Variants in BCAS4 observed in about 807,000 individuals in gnomAD.
BCAS4 encodes breast carcinoma amplified sequence 4.
In BCAS4, 9 loss-of-function variants were observed where a neutral mutation model predicts 15.7. The observed-to-expected ratio is 0.57, with a 90% CI of 0.34 to 1.00. The LOEUF (loss-of-function observed/expected upper bound fraction) is 1.00, where lower values mean the gene tolerates loss of function less well. BCAS4 is among the 50% of genes least tolerant of loss of function. The pLI, the probability that BCAS4 is intolerant of heterozygous loss-of-function variation, is 0.02. For missense variants in BCAS4, 225 were observed against 239.1 expected (o/e 0.94, Z 0.39); for synonymous variants, 101 against 99.5 (o/e 1.02, Z -0.09).
intron 2 of BCAS4, among the ~76,000 whole-genome samples, chr20:50,821,165 A>G (rs1344643215): frequency 6.6e-6 from 1 of 152,192 alleles, no homozygotes. Context: ...TATTTTTGAT[A>G]GATGATGTTT....
At chr20:50,814,927 G>A (rs977298988) in intron 1 of BCAS4, among the ~76,000 whole-genome samples, 1 of 152,180 alleles carries the variant, frequency 6.6e-6, no homozygotes, top group Non-Finnish European at 1.5e-5. Context: ...GGGCAACATA[G>A]TGAGACCCCT....
At chr20:50,857,719 T>G (rs927595528) in intron 4 of BCAS4, among the ~76,000 whole-genome samples, 1 of 152,158 alleles carries the variant, frequency 6.6e-6, no homozygotes, top group Admixed American at 6.5e-5. Context: ...CACCTCCACT[T>G]CCACCCTTAT....
At chr20:50,847,248 G>A (rs2088557010) in intron 4 of BCAS4, among the ~76,000 whole-genome samples, 1 of 152,056 alleles carries the variant, frequency 6.6e-6, no homozygotes, top group African/African-American at 2.4e-5. Context: ...CACAATGCCT[G>A]GCTAATTTTT....
chr20:50,808,208 G>A (rs375186332), intron 1 of BCAS4, among the ~76,000 whole-genome samples: 2 of 152,266 alleles, frequency 1.3e-5, no homozygotes, highest in South Asian at 2.1e-4. Flanking sequence ...CACCGCGCCC[G>A]GCTGTGCCAC....
At chr20:50,860,730 G>A (rs145462622) in intron 4 of BCAS4, among the ~76,000 whole-genome samples, 3,049 of 152,206 alleles carry the variant, frequency 0.02, 41 homozygotes, top group East Asian at 0.05. Context: ...ACAAAAATTA[G>A]CCAGGTGTGA....
rs369052686 is a variant in BCAS4, at chr20:50,876,100, G to A, written c.400-386G>A. The A allele has an allele frequency of 4.0e-4, 177 of 444,462 alleles. 1 individual carries two copies. The Middle Eastern group carries it at 5.5e-3, about 14-fold the overall frequency. The allele number at this position is 444,462 out of a possible 1,614,324, so 27.5% of individuals were successfully genotyped here. Reference sequence around the variant, plus strand: ...CAAGTAGCTGGGATTACAGGTGCGCGCTACCATGCCCGGCTAATTTCTGTA... The same window carrying A: ...CAAGTAGCTGGGATTACAGGTGCGCACTACCATGCCCGGCTAATTTCTGTA... On this transcript the variant is annotated intron_variant, in intron 4 of 4. Transcript: ENST00000371608.
chr20:50,818,063 C>T (rs963589235), intron 1 of BCAS4, 148 bp from the exon 2 acceptor site: 2 of 709,970 alleles, frequency 2.8e-6, no homozygotes, highest in Non-Finnish European at 4.7e-6. Context: ...GTTTATTGCT[C>T]TTTCAAAGGA....
intron 1 of BCAS4, among the ~76,000 whole-genome samples, chr20:50,802,097 G>A (rs547039588): frequency 1.3e-5 from 2 of 152,256 alleles, no homozygotes; most frequent in South Asian, 4.2e-4. Context: ...CAGTTTGGGA[G>A]GCTGAGGTAA....
chr20:50,877,473 T>G (rs778959482), downstream of BCAS4: 6 of 152,276 alleles, frequency 3.9e-5, no homozygotes, highest in Non-Finnish European at 5.9e-5. Context: ...CAACCTGCAA[T>G]GGGTATTTCT....
At position 50,847,658 on chromosome 20, in the gene BCAS4, T is replaced by A. The variant is rs117764665; in HGVS notation, c.399+5758T>A. Among the ~76,000 whole-genome samples, 64 of 152,328 alleles carry A rather than the reference T, an allele frequency of 4.2e-4. 3 individuals are homozygous for A. In the East Asian group the frequency reaches 0.011, roughly 27 times the overall value. On this transcript the variant is annotated intron_variant, in intron 4 of 4. Transcript: ENST00000371608. Reference sequence around the variant, plus strand: ...GAGGATATGAATCCACGTTCTTCTTTCCATCACATATTGCCTTGGTAGAGA... The same window carrying A: ...GAGGATATGAATCCACGTTCTTCTTACCATCACATATTGCCTTGGTAGAGA...
intron 1 of BCAS4, among the ~76,000 whole-genome samples, chr20:50,811,064 G>A (rs1378336519): frequency 6.6e-6 from 1 of 152,176 alleles, no homozygotes; most frequent in Non-Finnish European, 1.5e-5. Context: ...GGGAACAGCA[G>A]GTGCAAAGGC....
intron 4 of BCAS4, among the ~76,000 whole-genome samples, chr20:50,874,517 C>T (rs1387872440): frequency 6.6e-6 from 1 of 152,228 alleles, no homozygotes; most frequent in Non-Finnish European, 1.5e-5. Context: ...GGCATTGTTT[C>T]TCCTGGTTCA....
chr20:50,840,978 T>C (rs1338585113), intron 3 of BCAS4: 2 of 477,734 alleles, frequency 4.2e-6, no homozygotes, highest in South Asian at 2.1e-5. Flanking sequence ...TACGGGCATG[T>C]GCCACCATGT....
At chr20:50,807,237 A>G (rs1296040754) in intron 1 of BCAS4, among the ~76,000 whole-genome samples, 4 of 152,012 alleles carry the variant, frequency 2.6e-5, no homozygotes, top group Non-Finnish European at 5.9e-5. Flanking sequence ...TCTGTCACCT[A>G]GGCTGGAGTG....
intron 4 of BCAS4, among the ~76,000 whole-genome samples, chr20:50,852,946 C>G (rs1299270400): frequency 6.6e-6 from 1 of 152,072 alleles, no homozygotes; most frequent in Non-Finnish European, 1.5e-5. Context: ...TGAGGGGTGC[C>G]AGGGCCCACG....
intron 4 of BCAS4, among the ~76,000 whole-genome samples, chr20:50,854,419 A>G (rs538712537): frequency 1.2e-4 from 19 of 152,240 alleles, no homozygotes; most frequent in African/African-American, 4.3e-4. Context: ...TGCTTTGTTG[A>G]GTATTCACGT....
chr20:50,818,028 G>A (rs1228642366), intron 1 of BCAS4, among the ~76,000 whole-genome samples, 183 bp from the exon 2 acceptor site: 7 of 151,920 alleles, frequency 4.6e-5, no homozygotes, highest in Admixed American at 3.9e-4. Context: ...CCAGTCCTCC[G>A]TGATGGGCGC....
intron 2 of BCAS4, among the ~76,000 whole-genome samples, chr20:50,820,157 C>G (rs2088196147): frequency 6.6e-6 from 1 of 152,180 alleles, no homozygotes. Context: ...GCATTGGGCA[C>G]TTTCTCATGA....
chr20:50,856,446 C>T (rs906594428), intron 4 of BCAS4, among the ~76,000 whole-genome samples: 5 of 152,128 alleles, frequency 3.3e-5, no homozygotes, highest in East Asian at 1.9e-4. Flanking sequence ...GAACCTCAGC[C>T]GGAGAGGGAG....
Sources: gnomAD v4.1 joint callset for allele counts (sites outside exome capture counted in the v4.1 genomes callset) on GRCh38, gnomAD v4.1.1 for gene constraint, MANE v1.5 for transcripts, NCBI Gene and HGNC (gene_info 2026-07-23, HGNC 2026-07-21) for gene names.